Variants in MCTP1 observed in about 807,000 individuals in gnomAD.
MCTP1 encodes multiple C2 and transmembrane domain containing 1.
Under a neutral mutation model 120.6 loss-of-function variants are expected in MCTP1, and 69 were observed. That is an observed-to-expected ratio of 0.57 (90% confidence interval 0.47 to 0.70). The LOEUF is 0.70. MCTP1 is among the 30% of genes least tolerant of loss of function. The probability of loss-of-function intolerance (pLI) is 0.00; values close to 1 mark genes in which losing one functional copy is unlikely to be tolerated. For synonymous variants in MCTP1, 529 were observed against 493.1 expected, an observed-to-expected ratio of 1.07 and a Z score of -0.96; for missense variants, 1,203 against 1,248.8, an observed-to-expected ratio of 0.96 and a Z score of 0.55.
chr5:95,258,723 G>T (rs1016075690), intron 1 of MCTP1, among the ~76,000 whole-genome samples: 6 of 152,066 alleles, frequency 3.9e-5, no homozygotes, highest in Admixed American at 2.6e-4. Flanking sequence ...CTAAATAAAA[G>T]TTCATTAAAA....
chr5:94,921,978 A>G (rs563688842), intron 7 of MCTP1, among the ~76,000 whole-genome samples: 1 of 152,320 alleles, frequency 6.6e-6, no homozygotes, highest in South Asian at 2.1e-4. Context: ...ATTCAGAGAG[A>G]GAGAAATATT....
At chr5:94,930,517 AC>A (rs750792777) in intron 6 of MCTP1, among the ~76,000 whole-genome samples, 11 of 151,764 alleles carry the variant, frequency 7.2e-5, no homozygotes, top group Non-Finnish European at 1.5e-4. Flanking sequence ...CAAGTAATCC[AC>A]CCACCTCGAC....
intron 12 of MCTP1, among the ~76,000 whole-genome samples, chr5:94,878,785 C>A (rs1007658801): frequency 2.0e-5 from 3 of 151,528 alleles, no homozygotes; most frequent in Non-Finnish European, 2.9e-5. Context: ...GAATAAATAC[C>A]GAACATGGTT....
intron 19 of MCTP1, among the ~76,000 whole-genome samples, chr5:94,717,556 CACATAGGA>C (rs1395367333): frequency 6.6e-6 from 1 of 152,080 alleles, no homozygotes; most frequent in Admixed American, 6.6e-5. Flanking sequence ...AAAGGGTATT[CACATAGGA>C]ACATAGGAAG....
intron 1 of MCTP1, among the ~76,000 whole-genome samples, chr5:95,281,746 A>G (rs556811678): frequency 1.3e-5 from 2 of 152,362 alleles, no homozygotes; most frequent in South Asian, 4.1e-4. Flanking sequence ...TCGTGACAAA[A>G]TATACATGCA....
chr5:94,899,977 C>A (rs779253445), intron 10 of MCTP1, among the ~76,000 whole-genome samples: 1 of 152,170 alleles, frequency 6.6e-6, no homozygotes, highest in African/African-American at 2.4e-5. Context: ...TACAGTCCAA[C>A]CCTCTCTGTA....
intron 1 of MCTP1, among the ~76,000 whole-genome samples, chr5:95,266,270 A>C (rs531390510): frequency 6.6e-6 from 1 of 152,234 alleles, no homozygotes; most frequent in Non-Finnish European, 1.5e-5. Context: ...TAATGGAGCC[A>C]TCTAATTTTC....
chr5:95,267,194 TAACA>T (rs1758970750), intron 1 of MCTP1, among the ~76,000 whole-genome samples: 1 of 152,206 alleles, frequency 6.6e-6, no homozygotes, highest in East Asian at 1.9e-4. Flanking sequence ...ATGATTATGT[TAACA>T]AACAATACAC....
At chr5:94,887,687 A>G (rs1411335458) in intron 12 of MCTP1, among the ~76,000 whole-genome samples, 1 of 152,202 alleles carries the variant, frequency 6.6e-6, no homozygotes, top group African/African-American at 2.4e-5. Context: ...TTTTGAAAAA[A>G]TATGTGACAA....
At chr5:94,843,707 C>A (rs1791642251) in intron 17 of MCTP1, among the ~76,000 whole-genome samples, 1 of 152,018 alleles carries the variant, frequency 6.6e-6, no homozygotes, top group East Asian at 1.9e-4. Context: ...ACAAAATAGT[C>A]AATACTAAAG....
intron 1 of MCTP1, among the ~76,000 whole-genome samples, chr5:95,218,415 A>G (rs1170595894): frequency 2.0e-5 from 3 of 152,144 alleles, no homozygotes; most frequent in Admixed American, 1.3e-4. Flanking sequence ...GTATTTCCCA[A>G]TGTATGGAAT....
intron 19 of MCTP1, among the ~76,000 whole-genome samples, chr5:94,775,363 T>A (rs1286464627): frequency 6.6e-6 from 1 of 152,208 alleles, no homozygotes; most frequent in Admixed American, 6.5e-5. Flanking sequence ...AAAGGAAAGC[T>A]GATCTTCATT....
intron 1 of MCTP1, among the ~76,000 whole-genome samples, chr5:95,263,196 G>A (rs1174387327): frequency 6.6e-6 from 1 of 152,172 alleles, no homozygotes; most frequent in Admixed American, 6.5e-5. Context: ...TTCCAGATGA[G>A]ACCTCCTAAT....
At chr5:94,883,573 C>T (rs1466398038) in intron 12 of MCTP1, among the ~76,000 whole-genome samples, 1 of 152,150 alleles carries the variant, frequency 6.6e-6, no homozygotes, top group Non-Finnish European at 1.5e-5. Flanking sequence ...ACTTCCACTA[C>T]ATTTTATACA....
intron 17 of MCTP1, among the ~76,000 whole-genome samples, chr5:94,849,570 A>G (rs1376589628): frequency 6.6e-6 from 1 of 152,124 alleles, no homozygotes; most frequent in Admixed American, 6.6e-5. Context: ...TAGCGTCCCA[A>G]TCTAGAGCAG....
intron 2 of MCTP1, among the ~76,000 whole-genome samples, chr5:95,012,836 T>G (rs1237261242): frequency 2.0e-5 from 3 of 152,086 alleles, no homozygotes; most frequent in African/African-American, 7.2e-5. Flanking sequence ...ATTAGGCCCA[T>G]CAATAACCCT....
chr5:95,165,927 C>G (rs1319817566), intron 1 of MCTP1, among the ~76,000 whole-genome samples: 1 of 152,158 alleles, frequency 6.6e-6, no homozygotes, highest in Non-Finnish European at 1.5e-5. Flanking sequence ...CTTGTCATAA[C>G]CACAGTAATA....
chr5:95,196,118 A>G (rs1750366079), intron 1 of MCTP1, among the ~76,000 whole-genome samples: 1 of 152,198 alleles, frequency 6.6e-6, no homozygotes, highest in Admixed American at 6.5e-5. Flanking sequence ...CAAATTTTTA[A>G]GTGTCTGAGC....
chr5:95,234,821 T>C (rs935850411), intron 1 of MCTP1, among the ~76,000 whole-genome samples: 2 of 152,106 alleles, frequency 1.3e-5, no homozygotes, highest in Non-Finnish European at 2.9e-5. Flanking sequence ...GCCTTATAGC[T>C]AGCAAATAAA....
Sources: gnomAD v4.1 joint callset for allele counts (sites outside exome capture counted in the v4.1 genomes callset) on GRCh38, gnomAD v4.1.1 for gene constraint, MANE v1.5 for transcripts, NCBI Gene and HGNC (gene_info 2026-07-23, HGNC 2026-07-21) for gene names.